DIP2B: variants seen among roughly 807,000 people sequenced by gnomAD.
DIP2B encodes DIP2 acetate--CoA ligase B (putative).
Under a neutral mutation model 198.0 loss-of-function variants are expected in DIP2B, and 76 were observed. That is an observed-to-expected ratio of 0.38 (90% CI 0.32 to 0.46). The LOEUF is 0.46. DIP2B is among the 20% of genes least tolerant of loss of function. DIP2B has a pLI of 0.99. For synonymous variants in DIP2B, 701 were observed against 739.1 expected (o/e 0.95, Z 0.84); for missense variants, 1,559 against 1,978.4 (o/e 0.79, Z 4.02).
At position 50,697,143 on chromosome 12, in the gene DIP2B, G is replaced by T. The variant is rs745849543; in HGVS notation, c.2016G>T (p.Thr672=). 1 of 1,614,074 alleles carries T rather than the reference G, an allele frequency of 6.2e-7. No homozygotes were observed. Among genetic ancestry groups the T allele is most frequent in the Non-Finnish European group, 8.5e-7 (1 of 1,179,972 alleles). The stretch of plus-strand genomic sequence containing the variant: ...CTGAGGCCATCTGTCCGTGCGCCAC[G>T]TCTGCTGAAGCCATGACTGTAGCAA... The part of the protein sequence containing the change: ...LKPEAICPCA[T]SAEAMTVAIR... Residue 672 remains threonine (T), a synonymous_variant, in exon 17 of 38, where the codon ACG becomes ACT. Coordinates refer to ENST00000301180, the MANE Select transcript of DIP2B (RefSeq NM_173602.3).
chr12:50,585,450 G>A (rs1452909061), intron 1 of DIP2B, among the ~76,000 whole-genome samples: 4 of 152,216 alleles, frequency 2.6e-5, no homozygotes, highest in Admixed American at 1.3e-4. Flanking sequence ...AGTGGCCAGA[G>A]GAGGAGACAT....
chr12:50,631,525 C>G (rs1409769244), intron 2 of DIP2B, among the ~76,000 whole-genome samples: 1 of 152,036 alleles, frequency 6.6e-6, no homozygotes, highest in East Asian at 1.9e-4. Context: ...GTGCCCGGCC[C>G]TGATTCAAGC....
At chr12:50,579,068 G>A (rs751702628) in intron 1 of DIP2B, among the ~76,000 whole-genome samples, 2 of 152,100 alleles carry the variant, frequency 1.3e-5, no homozygotes, top group East Asian at 1.9e-4. Flanking sequence ...CCACATTTTT[G>A]TACAATTCTG....
chr12:50,548,536 T>C (rs1958396763), intron 1 of DIP2B, among the ~76,000 whole-genome samples: 1 of 152,174 alleles, frequency 6.6e-6, no homozygotes, highest in South Asian at 2.1e-4. Flanking sequence ...TTAATTTTTT[T>C]GTTTTTTGAG....
chr12:50,597,484 T>A (rs1365388673), intron 1 of DIP2B, among the ~76,000 whole-genome samples: 1 of 152,010 alleles, frequency 6.6e-6, no homozygotes, highest in South Asian at 2.1e-4. Context: ...AAAATAAGAG[T>A]GTTACCTTAA....
intron 17 of DIP2B, 71 bp from the exon 18 acceptor site, chr12:50,698,257 T>A: frequency 6.6e-7 from 1 of 1,519,352 alleles, no homozygotes; most frequent in South Asian, 1.3e-5. Context: ...AGGAAATTTG[T>A]CTTCCTATGT....
intron 1 of DIP2B, among the ~76,000 whole-genome samples, chr12:50,520,327 T>C (rs895303896): frequency 1.3e-5 from 2 of 152,146 alleles, no homozygotes; most frequent in Non-Finnish European, 2.9e-5. Context: ...TGAGCCACCG[T>C]ACCCGGCCTG....
At chr12:50,534,373 T>C (rs1340946072) in intron 1 of DIP2B, among the ~76,000 whole-genome samples, 1 of 145,096 alleles carries the variant, frequency 6.9e-6, no homozygotes, top group African/African-American at 2.5e-5. Context: ...CATTTCATTT[T>C]TTTTTTTTTT....
At chr12:50,684,239 T>A (rs1592126584) in intron 10 of DIP2B, among the ~76,000 whole-genome samples, 1 of 152,370 alleles carries the variant, frequency 6.6e-6, no homozygotes, top group East Asian at 1.9e-4. Flanking sequence ...AGACCTTTTT[T>A]AAAGGGATTT....
At chr12:50,736,246 T>A (rs111929859) in intron 34 of DIP2B, among the ~76,000 whole-genome samples, 20 of 152,310 alleles carry the variant, frequency 1.3e-4, no homozygotes, top group African/African-American at 4.8e-4. Flanking sequence ...TTGTCACATC[T>A]TCACTTGCCT....
intron 1 of DIP2B, among the ~76,000 whole-genome samples, chr12:50,558,158 A>G (rs746073627): frequency 2.6e-5 from 4 of 152,230 alleles, no homozygotes; most frequent in African/African-American, 9.6e-5. Context: ...GCTTGAACCC[A>G]GGAATTCGAG....
chr12:50,681,835 C>T (rs1939046395), intron 9 of DIP2B, among the ~76,000 whole-genome samples: 1 of 152,106 alleles, frequency 6.6e-6, no homozygotes, highest in South Asian at 2.1e-4. Context: ...CCTCCTGAAC[C>T]CTAAGCAGGT....
chr12:50,719,575 C>T (rs902758217), intron 25 of DIP2B, among the ~76,000 whole-genome samples: 1 of 152,128 alleles, frequency 6.6e-6, no homozygotes, highest in African/African-American at 2.4e-5. Context: ...GGCACAGTGG[C>T]TCACACCTGT....
intron 1 of DIP2B, among the ~76,000 whole-genome samples, chr12:50,531,123 A>G (rs1958213069): frequency 6.6e-6 from 1 of 152,136 alleles, no homozygotes; most frequent in Admixed American, 6.5e-5. Context: ...TCAGCTCACT[A>G]CAAGTTCTGA....
intron 4 of DIP2B, among the ~76,000 whole-genome samples, chr12:50,668,295 G>A (rs1192128270): frequency 6.6e-6 from 1 of 152,160 alleles, no homozygotes; most frequent in African/African-American, 2.4e-5. Context: ...AACTACTGTA[G>A]TGCTTAGTGT....
chr12:50,682,527 G>A (rs1939058988), intron 9 of DIP2B, among the ~76,000 whole-genome samples: 1 of 151,126 alleles, frequency 6.6e-6, no homozygotes, highest in South Asian at 2.1e-4. Context: ...TACTCGGGAG[G>A]CTGAGGCAGG....
intron 22 of DIP2B, among the ~76,000 whole-genome samples, chr12:50,711,180 T>C (rs926630022): frequency 3.3e-5 from 5 of 152,246 alleles, no homozygotes; most frequent in Non-Finnish European, 7.3e-5. Context: ...TAACAGGCCA[T>C]TCTTTTCGCA....
At chr12:50,510,615 C>T (rs1377842769) in intron 1 of DIP2B, among the ~76,000 whole-genome samples, 1 of 151,456 alleles carries the variant, frequency 6.6e-6, no homozygotes, top group Non-Finnish European at 1.5e-5. Context: ...CACAGTTTCT[C>T]GCAAATCTTT....
Position 50,686,622 on chromosome 12 carries a change from G to A in DIP2B, c.1491G>A (p.Lys497=), listed in dbSNP as rs751968978. ...TAACAGATTCCAAGTACCTTTCAAA[G>A]CCACCGAAAGACTGGCAGCCACACA... is the stretch of plus-strand genomic sequence containing the variant. ...WVVTDSKYLS[K]PPKDWQPHIS... is the part of the protein sequence containing the mutation. The change falls in exon 12 of 38, where the codon AAG becomes AAA. Residue 497 remains lysine (K), a synonymous_variant. Transcript: ENST00000301180. 2 of 1,614,074 alleles carry A rather than the reference G, an allele frequency of 1.2e-6. No homozygotes were observed. The highest frequency in any genetic ancestry group is 1.7e-6 in the Non-Finnish European group (2 of 1,180,014).
Sources: allele counts gnomAD v4.1 joint callset (sites outside exome capture counted in the v4.1 genomes callset), GRCh38; gene constraint gnomAD v4.1.1; transcripts MANE v1.5; gene names NCBI Gene and HGNC (gene_info 2026-07-23, HGNC 2026-07-21).